The following TPTE2 variants were observed in gnomAD, a reference collection of about 807,000 sequenced individuals.
The protein encoded by TPTE2 is transmembrane phosphoinositide 3-phosphatase and tensin homolog 2, also known as phosphatidylinositol 3,4,5-trisphosphate 3-phosphatase TPTE2.
Under a neutral mutation model 78.6 loss-of-function variants are expected in TPTE2, and 53 were observed. That is an observed-to-expected ratio of 0.67 (90% CI 0.54 to 0.85). The LOEUF is 0.85. Among genes scored for constraint, TPTE2 ranks in the 40% least tolerant of loss-of-function variants. TPTE2 has a pLI of 0.00. For synonymous variants in TPTE2, 175 were observed against 206.2 expected (o/e 0.85, Z 1.30); for missense variants, 461 against 623.0 (o/e 0.74, Z 2.77).
chr13:19,551,822 GACT>G, the TPTE2 span, among the ~76,000 whole-genome samples: 1 of 151,990 alleles, frequency 6.6e-6, no homozygotes, highest in Non-Finnish European at 1.5e-5. Flanking sequence ...TTAAAATATG[GACT>G]ACATTTTCCT....
chr13:19,441,407 T>C (rs1877485845), intron 13 of TPTE2, among the ~76,000 whole-genome samples: 2 of 152,080 alleles, frequency 1.3e-5, no homozygotes, highest in East Asian at 3.9e-4. Context: ...TACTTCCAAA[T>C]CTAAAAGTTA....
At chr13:19,506,395 G>T (rs1020036063), upstream of TPTE2, among the ~76,000 whole-genome samples, 12 of 151,380 alleles carry the variant, frequency 7.9e-5, no homozygotes, top group African/African-American at 2.7e-4. Flanking sequence ...GGATGGTCTC[G>T]ATCTCCTGAC....
intron 1 of TPTE2, among the ~76,000 whole-genome samples, chr13:19,527,805 C>G (rs1446586646): frequency 6.6e-6 from 1 of 152,250 alleles, no homozygotes; most frequent in Non-Finnish European, 1.5e-5. Context: ...AGGGCAGTTT[C>G]ATGGCTGGGA....
intron 17 of TPTE2, 145 bp from the exon 21 acceptor site, chr13:19,426,662 T>A: frequency 1.9e-6 from 1 of 533,916 alleles, no homozygotes; most frequent in Non-Finnish European, 3.3e-6. Context: ...TTATTAATAA[T>A]CTTTTCTAGT....
At chr13:19,553,980 C>G in the TPTE2 span, among the ~76,000 whole-genome samples, 1 of 152,192 alleles carries the variant, frequency 6.6e-6, no homozygotes, top group Non-Finnish European at 1.5e-5. Flanking sequence ...ATAACAATAT[C>G]TATCCCTTGG....
At position 19,483,290 on chromosome 13, in the gene TPTE2, T is replaced by C. The variant is rs532877947; in HGVS notation, c.120-743A>G. ...ATTAAGTGGTGAAGCCATCAGGTCC[T>C]GGACTTTGTTGAAAGCCTTTTTATT... On this transcript the variant is annotated intron_variant, in intron 3 of 19. Transcript: ENST00000400230. 1.2e-3 allele frequency among the ~76,000 whole-genome samples: 180 copies of C among 152,358 alleles called. 5 individuals carry two copies. In the South Asian group the frequency reaches 0.036, roughly 31 times the overall value.
upstream of TPTE2, among the ~76,000 whole-genome samples, chr13:19,505,512 T>G (rs1868951019): frequency 6.6e-6 from 1 of 152,106 alleles, no homozygotes; most frequent in South Asian, 2.1e-4. Context: ...AATTCTTGAT[T>G]CCTAAGTCCT....
intron 15 of TPTE2, among the ~76,000 whole-genome samples, chr13:19,435,675 A>C (rs1206514601): frequency 6.6e-6 from 1 of 152,032 alleles, no homozygotes; most frequent in Non-Finnish European, 1.5e-5. Context: ...ACTGTCTGGG[A>C]TACAGAAGGG....
At chr13:19,487,575 C>G (rs1253956896) in intron 3 of TPTE2, among the ~76,000 whole-genome samples, 1 of 152,074 alleles carries the variant, frequency 6.6e-6, no homozygotes, top group Non-Finnish European at 1.5e-5. Context: ...ATTCCTCTGT[C>G]TGGAAGTGTG....
chr13:19,537,235 T>C (rs1871264146), upstream of TPTE2, among the ~76,000 whole-genome samples: 1 of 119,180 alleles, frequency 8.4e-6, no homozygotes, highest in African/African-American at 5.9e-5. Context: ...TCTACTTGAT[T>C]TTTTTTTTTT....
intron 4 of TPTE2, among the ~76,000 whole-genome samples, chr13:19,480,814 T>C (rs1405359216): frequency 2.0e-5 from 3 of 152,158 alleles, no homozygotes; most frequent in African/African-American, 7.2e-5. Context: ...GTCACAATCA[T>C]TCCCTTTGAC....
upstream of TPTE2, among the ~76,000 whole-genome samples, chr13:19,505,120 A>G (rs1566069378): frequency 6.6e-6 from 1 of 152,110 alleles, no homozygotes; most frequent in East Asian, 1.9e-4. Context: ...TTAAATATTC[A>G]TGTGTATATC....
exon 14 of TPTE2, chr13:19,438,108 A>G (rs772896604): frequency 1.2e-6 from 2 of 1,607,862 alleles, no homozygotes; most frequent in East Asian, 2.2e-5. Flanking sequence ...AGTTAAAAAT[A>G]TTTCGGAGGC....
At chr13:19,464,354 C>T (rs1879123954) in intron 10 of TPTE2, 102 bp downstream of exon 13, 12 of 1,191,750 alleles carry the variant, frequency 1.0e-5, no homozygotes, top group African/African-American at 1.5e-5. Context: ...TGAAAGAGTA[C>T]ATTTTTAAAA....
intron 3 of TPTE2, among the ~76,000 whole-genome samples, chr13:19,485,037 T>C (rs1566060406): frequency 6.6e-6 from 1 of 152,190 alleles, no homozygotes; most frequent in Non-Finnish European, 1.5e-5. Flanking sequence ...CTGGTTGTTT[T>C]GTATATGTTT....
Position 19,497,531 on chromosome 13 carries a change from C to A in TPTE2, c.12-4030G>T, listed in dbSNP as rs531172428. On this transcript the variant is annotated intron_variant, in intron 1 of 19. Coordinates refer to ENST00000400230, the Ensembl canonical transcript of TPTE2. ...AGCCTAACTGGGAGGCACCCCCCAG[C>A]AGGGGCACACTGACACCTCACATGG... is the stretch of plus-strand genomic sequence containing the variant. Among the ~76,000 whole-genome samples the A allele has an allele frequency of 6.5e-5, 5 of 77,280 alleles. No homozygotes were observed. In the East Asian group the frequency reaches 2.2e-3, roughly 33 times the overall value. The allele number at this position is 77,280 out of a possible 152,430, so 50.7% of individuals were successfully genotyped here.
intron 4 of TPTE2, among the ~76,000 whole-genome samples, chr13:19,476,870 C>A (rs1879977230): frequency 6.6e-6 from 1 of 152,054 alleles, no homozygotes; most frequent in African/African-American, 2.4e-5. Context: ...AGTAGATACC[C>A]AGAGGAATAT....
intron 1 of TPTE2, among the ~76,000 whole-genome samples, chr13:19,536,089 C>G (rs2137758277): frequency 6.6e-6 from 1 of 152,184 alleles, no homozygotes; most frequent in East Asian, 1.9e-4. Context: ...GAGGGATTCC[C>G]TATTTGATTG....
At chr13:19,425,795 TC>T (rs1465772462) in intron 18 of TPTE2, 1 of 484,426 alleles carries the variant, frequency 2.1e-6, no homozygotes, top group Non-Finnish European at 4.1e-6. Context: ...CCTGGATGGC[TC>T]CCCCTTCCAG....
Sources: gnomAD v4.1 joint callset for allele counts (sites outside exome capture counted in the v4.1 genomes callset) on GRCh38, gnomAD v4.1.1 for gene constraint, MANE v1.5 for transcripts, NCBI Gene and HGNC (gene_info 2026-07-23, HGNC 2026-07-21) for gene names.